The following STON2 variants were observed in gnomAD, a reference collection of about 807,000 sequenced individuals.
The protein encoded by STON2 is stonin-2.
A neutral mutation model predicts 65.7 loss-of-function variants in STON2; 29 were observed. The observed-to-expected ratio is 0.44, with a 90% CI of 0.33 to 0.60. The LOEUF (loss-of-function observed/expected upper bound fraction) is 0.60. Ranked by LOEUF, STON2 falls within the 20% of genes least tolerant of loss-of-function variation. The probability of loss-of-function intolerance (pLI) is 0.03; values close to 1 mark genes in which losing one functional copy is unlikely to be tolerated. For synonymous variants in STON2, 404 were observed against 414.2 expected, an observed-to-expected ratio of 0.98 and a Z score of 0.30; for missense variants, 1,054 against 1,118.1, an observed-to-expected ratio of 0.94 and a Z score of 0.82.
chr14:81,431,166 T>C (rs909036370), intron 1 of STON2, among the ~76,000 whole-genome samples: 1 of 152,164 alleles, frequency 6.6e-6, no homozygotes, highest in Non-Finnish European at 1.5e-5. Flanking sequence ...CTAAGCTTTC[T>C]CATCCACCTC....
chr14:81,359,213 A>C (rs1898383065), intron 4 of STON2, among the ~76,000 whole-genome samples: 1 of 152,258 alleles, frequency 6.6e-6, no homozygotes, highest in Non-Finnish European at 1.5e-5. Context: ...AGTGTAAACA[A>C]ATGGAAATCA....
chr14:81,405,365 T>C (rs150995518), intron 2 of STON2, among the ~76,000 whole-genome samples: 68 of 152,224 alleles, frequency 4.5e-4, no homozygotes, highest in Admixed American at 2.6e-3. Context: ...TGTGACAATA[T>C]TTTCCTTTAG....
intron 1 of STON2, among the ~76,000 whole-genome samples, chr14:81,433,606 AC>A (rs1902299637): frequency 6.6e-6 from 1 of 152,202 alleles, no homozygotes; most frequent in Admixed American, 6.5e-5. Context: ...CATGTGAGTT[AC>A]CTTGACCAAC....
chr14:81,402,120 A>C (rs1900638642), upstream of STON2, among the ~76,000 whole-genome samples: 1 of 152,204 alleles, frequency 6.6e-6, no homozygotes, highest in South Asian at 2.1e-4. Context: ...AAAGCTAAGG[A>C]GAGTTCAAGG....
chr14:81,294,910 T>C (rs1251688486), intron 5 of STON2, among the ~76,000 whole-genome samples: 2 of 152,202 alleles, frequency 1.3e-5, no homozygotes. Flanking sequence ...GCTCAACCAC[T>C]GTATGGTAAG....
Position 81,265,678 on chromosome 14 carries a change from T to TA in STON2, c.*2735_*2736insT, listed in dbSNP as rs1894332388. The TA allele has an allele frequency of 5.1e-5, 24 of 470,722 alleles. No homozygotes were observed. The highest frequency in any genetic ancestry group is 6.1e-5 in the Non-Finnish European group (22 of 362,146). The allele number at this position is 470,722 out of a possible 1,614,324, so 29.2% of individuals were successfully genotyped here. On this transcript the variant is annotated 3_prime_UTR_variant, in exon 8 of 8. Coordinates refer to ENST00000614646, the MANE Select transcript of STON2 (RefSeq NM_001394390.1). Reference sequence around the variant, plus strand: ...ATAATAATAATAATAATAATAATACTCTGTCTCAATAATAATAATAATAAT... The same window carrying TA: ...ATAATAATAATAATAATAATAATACTACTGTCTCAATAATAATAATAATAAT...
intron 5 of STON2, among the ~76,000 whole-genome samples, chr14:81,298,878 T>C (rs1215624767): frequency 6.6e-6 from 1 of 152,218 alleles, no homozygotes; most frequent in Non-Finnish European, 1.5e-5. Flanking sequence ...TAATCTGTAA[T>C]CTAATTAATT....
intron 4 of STON2, among the ~76,000 whole-genome samples, chr14:81,351,397 C>T (rs772196259): frequency 3.9e-5 from 6 of 151,990 alleles, no homozygotes; most frequent in Non-Finnish European, 8.8e-5. Context: ...CAAGAGCTCT[C>T]CTATAATAAG....
exon 1 of STON2, chr14:81,436,324 C>A (rs1902425194): frequency 6.6e-6 from 1 of 151,492 alleles, no homozygotes; most frequent in South Asian, 2.0e-4. Context: ...CAGTTACCTG[C>A]GCCGCGGTCC....
chr14:81,382,697 T>C (rs1899586446), intron 3 of STON2, among the ~76,000 whole-genome samples: 1 of 152,212 alleles, frequency 6.6e-6, no homozygotes, highest in African/African-American at 2.4e-5. Context: ...AATGTTCTTT[T>C]GTATTTATTC....
chr14:81,371,461 T>C (rs7155582), intron 3 of STON2, among the ~76,000 whole-genome samples: 90,340 of 151,648 alleles, frequency 0.6, 29,765 homozygotes, highest in African/African-American at 0.88. Flanking sequence ...TTTGGGAGGC[T>C]GAGGTGGGCG....
At chr14:81,306,518 C>T (rs1896191018) in intron 5 of STON2, 1 of 152,256 alleles carries the variant, frequency 6.6e-6, no homozygotes, top group Non-Finnish European at 1.5e-5. Context: ...TCTCAAGTAG[C>T]TGGGACTATA....
intron 4 of STON2, among the ~76,000 whole-genome samples, chr14:81,367,449 A>G (rs1016263851): frequency 6.6e-6 from 1 of 152,138 alleles, no homozygotes; most frequent in African/African-American, 2.4e-5. Flanking sequence ...AGTGCTGGGA[A>G]TACAGGCACG....
chr14:81,291,039 T>C (rs1895534546), intron 5 of STON2, among the ~76,000 whole-genome samples: 1 of 151,682 alleles, frequency 6.6e-6, no homozygotes, highest in Admixed American at 6.6e-5. Flanking sequence ...AAAAACAGGA[T>C]AGGAGGAAGT....
intron 1 of STON2, among the ~76,000 whole-genome samples, chr14:81,427,813 G>A (rs1902056610): frequency 6.6e-6 from 1 of 152,098 alleles, no homozygotes; most frequent in African/African-American, 2.4e-5. Context: ...CTCCTACCAG[G>A]CATCTCCCAG....
At chr14:81,389,533 G>C (rs762996670) in intron 3 of STON2, among the ~76,000 whole-genome samples, 7 of 152,196 alleles carry the variant, frequency 4.6e-5, no homozygotes, top group Non-Finnish European at 8.8e-5. Flanking sequence ...AGAAATTGAT[G>C]GGCAAATCAT....
chr14:81,394,621 C>A (rs532201075), intron 3 of STON2, among the ~76,000 whole-genome samples: 1 of 152,088 alleles, frequency 6.6e-6, no homozygotes, highest in Non-Finnish European at 1.5e-5. Flanking sequence ...CCCAACATAA[C>A]CACAGAGGTC....
chr14:81,327,441 G>A (rs1897040842), intron 4 of STON2, among the ~76,000 whole-genome samples: 1 of 152,178 alleles, frequency 6.6e-6, no homozygotes, highest in Non-Finnish European at 1.5e-5. Context: ...GGAATTTATA[G>A]TTAGATTTAG....
Position 81,371,612 on chromosome 14 carries a change from G to A in STON2, c.374-427C>T, listed in dbSNP as rs567703303. On this transcript the variant is annotated intron_variant, in intron 3 of 7. Coordinates refer to ENST00000614646, the MANE Select transcript of STON2 (RefSeq NM_001394390.1). ...CGGGAGGCTGAGATAGGAGAATGGC[G>A]TGAACCCAGGAGGCGGAGCTTGCAG... is the stretch of plus-strand genomic sequence containing the variant. 2.4e-4 allele frequency among the ~76,000 whole-genome samples: 36 copies of A among 149,766 alleles called. 1 individual carries two copies. The South Asian group carries it at 4.2e-3, about 18-fold the overall frequency.
Sources: gnomAD v4.1 joint callset for allele counts (sites outside exome capture counted in the v4.1 genomes callset) on GRCh38, gnomAD v4.1.1 for gene constraint, MANE v1.5 for transcripts, NCBI Gene and HGNC (gene_info 2026-07-23, HGNC 2026-07-21) for gene names.